The following FAT3 variants were observed in gnomAD, a reference collection of about 807,000 sequenced individuals.
The protein encoded by FAT3 is FAT atypical cadherin 3.
FAT3 carries 95 observed loss-of-function variants against 310.2 expected under a neutral mutation model. The ratio of observed to expected loss-of-function variants is 0.31; its 90% CI spans 0.26 to 0.36. The LOEUF is 0.36. FAT3 is among the 10% of genes least tolerant of loss of function. The probability of loss-of-function intolerance (pLI) is 1.00; values close to 1 mark genes in which losing one functional copy is unlikely to be tolerated. For missense variants in FAT3, 5,408 were observed against 5,715.6 expected (o/e 0.95, Z 1.74); for synonymous variants, 2,314 against 2,192.9 (o/e 1.06, Z -1.54).
At chr11:92,445,457 A>G (rs1951186254) in intron 2 of FAT3, among the ~76,000 whole-genome samples, 1 of 151,968 alleles carries the variant, frequency 6.6e-6, no homozygotes, top group Non-Finnish European at 1.5e-5. Flanking sequence ...GTTCCTTTCA[A>G]GGAGGGGAAA....
intron 1 of FAT3, among the ~76,000 whole-genome samples, chr11:92,294,199 A>G (rs972307912): frequency 6.6e-6 from 1 of 152,060 alleles, no homozygotes; most frequent in African/African-American, 2.4e-5. Flanking sequence ...TGGTGCATGC[A>G]TGCAGAAAGA....
rs1945789776 is a variant in FAT3, at chr11:92,352,274, G to A, written c.162G>A (p.Glu54=). 1 of 1,456,808 alleles carries A rather than the reference G, an allele frequency of 6.9e-7. No homozygotes were observed. The highest frequency in any genetic ancestry group is 9.3e-7 in the Non-Finnish European group (1 of 1,080,936). The allele number at this position is 1,456,808 out of a possible 1,614,324, so 90.2% of individuals were successfully genotyped here. ...THSIYNATVY[E]NSAARTYVNS... is the part of the protein sequence containing the mutation. ...CCATTTATAATGCTACCGTGTATGA[G>A]AACTCAGCAGCAAGGACCTACGTCA... is the stretch of plus-strand genomic sequence containing the variant. Residue 54 remains glutamate (E), a synonymous_variant, in exon 2 of 28, where the codon GAG becomes GAA. Transcript: ENST00000525166.
At chr11:92,654,240 A>G (rs1182867867) in intron 3 of FAT3, among the ~76,000 whole-genome samples, 1 of 152,126 alleles carries the variant, frequency 6.6e-6, no homozygotes, top group East Asian at 1.9e-4. Flanking sequence ...TCAGTTCTGT[A>G]AGTTCCAGCC....
chr11:92,749,350 G>A (rs1945764366), intron 4 of FAT3, among the ~76,000 whole-genome samples: 1 of 151,970 alleles, frequency 6.6e-6, no homozygotes, highest in South Asian at 2.1e-4. Flanking sequence ...GACAATTTAT[G>A]AATGCAAGCC....
chr11:92,837,623 C>T (rs369437686), intron 16 of FAT3, 40 bp from the exon 17 acceptor site: 16 of 1,609,542 alleles, frequency 9.9e-6, no homozygotes, highest in Middle Eastern at 1.9e-4. Flanking sequence ...AGGAAGGAAG[C>T]GCTACACCTC....
chr11:92,772,988 A>G (rs74557380), intron 6 of FAT3, among the ~76,000 whole-genome samples: 5,477 of 152,278 alleles, frequency 0.036, 239 homozygotes, highest in East Asian at 0.21. Flanking sequence ...ATGAAATTCA[A>G]TAAATACATT....
intron 1 of FAT3, among the ~76,000 whole-genome samples, chr11:92,249,257 G>A (rs1208046237): frequency 1.3e-5 from 2 of 152,100 alleles, no homozygotes; most frequent in East Asian, 3.9e-4. Flanking sequence ...AGATGGCAAC[G>A]ATGATCAGAA....
rs76958070 is a variant in FAT3, at chr11:92,684,010, C to T, written c.3608-13374C>T. On this transcript the variant is annotated intron_variant, in intron 3 of 27. Transcript: ENST00000525166. ...GTACTAATTATCCACTAATTACAAC[C>T]ACAGTAGCATTGAGCTGGTTTTCCC... 4.5e-3 allele frequency among the ~76,000 whole-genome samples: 681 copies of T among 152,240 alleles called. 7 individuals carry two copies. The highest frequency in any genetic ancestry group is 0.016 in the African/African-American group (650 of 41,538).
intron 2 of FAT3, among the ~76,000 whole-genome samples, chr11:92,493,027 A>G (rs1952654065): frequency 6.6e-6 from 1 of 152,060 alleles, no homozygotes; most frequent in Non-Finnish European, 1.5e-5. Flanking sequence ...CTCTCCCTCA[A>G]ACTTAAGTAG....
chr11:92,801,949 T>C, intron 10 of FAT3, 40 bp downstream of exon 10: 4 of 1,550,736 alleles, frequency 2.6e-6, no homozygotes, highest in Non-Finnish European at 3.5e-6. Context: ...TGCACTGCTT[T>C]ATAAAGAAAG....
chr11:92,785,563 A>G (rs1427848218), intron 7 of FAT3, among the ~76,000 whole-genome samples: 3 of 152,156 alleles, frequency 2.0e-5, no homozygotes, highest in African/African-American at 7.2e-5. Flanking sequence ...TAGCCTACAT[A>G]TATATAACCA....
At chr11:92,526,787 ATTT>A (rs1953881765) in intron 3 of FAT3, among the ~76,000 whole-genome samples, 1 of 152,164 alleles carries the variant, frequency 6.6e-6, no homozygotes, top group Non-Finnish European at 1.5e-5. Context: ...CTTGCCATAG[ATTT>A]TTAAAAAGCA....
intron 1 of FAT3, among the ~76,000 whole-genome samples, chr11:92,287,652 C>G (rs1307712790): frequency 6.6e-6 from 1 of 152,148 alleles, no homozygotes; most frequent in Non-Finnish European, 1.5e-5. Flanking sequence ...GATCTCCCCT[C>G]ACCATTCCAA....
At chr11:92,508,512 G>T (rs554610375) in intron 2 of FAT3, among the ~76,000 whole-genome samples, 44 of 152,176 alleles carry the variant, frequency 2.9e-4, no homozygotes, top group African/African-American at 1.1e-3. Context: ...ATCTGAAAAG[G>T]AAAATTTCCA....
chr11:92,801,305 T>G lies in FAT3; in HGVS notation c.8292T>G (p.Thr2764=). 6.2e-7 allele frequency: 1 copy of G among 1,613,970 alleles called. No homozygotes were observed. The highest frequency in any genetic ancestry group is 1.1e-5 in the South Asian group (1 of 91,082). Residue 2764 remains threonine (T), a synonymous_variant, in exon 10 of 28, where the codon ACT becomes ACG. Transcript: ENST00000525166. ...GIFVIEQETG[T]IKLDKRLDRE... ...TCGTCATAGAACAGGAAACAGGCAC[T>G]ATTAAGCTTGACAAACGCCTTGACC...
chr11:92,253,242 G>T (rs1865198141), intron 1 of FAT3, among the ~76,000 whole-genome samples: 1 of 152,018 alleles, frequency 6.6e-6, no homozygotes, highest in South Asian at 2.1e-4. Flanking sequence ...TAATGCTGAA[G>T]CTGGTTCTCC....
intron 1 of FAT3, among the ~76,000 whole-genome samples, chr11:92,306,735 T>A (rs1161612348): frequency 2.4e-5 from 3 of 123,128 alleles, no homozygotes; most frequent in East Asian, 2.2e-4. Context: ...ATATATATAT[T>A]TATATATAAA....
chr11:92,354,496 A>T lies in FAT3; in HGVS notation c.2384A>T (p.Asp795Val). The change falls in exon 2 of 28, where the codon GAC becomes GTC. Residue 795 changes from aspartate to valine, a missense_variant. By Grantham distance (152) the Asp-to-Val change is radical. This residue lies in a region of FAT3 where 4,588 missense variants were observed against 4,809.8 expected (regional missense o/e 0.95). Coordinates refer to ENST00000525166, the MANE Select transcript of FAT3 (RefSeq NM_001367949.2). ...ATGCCCATGGATCGAGAACACACAG[A>T]CCTCTATCTCCTTAATATCACCATC... ...VLMPMDREHT[D>V]LYLLNITIYD... 1.2e-6 allele frequency: 2 copies of T among 1,613,864 alleles called. No homozygotes were observed. Among genetic ancestry groups the T allele is most frequent in the South Asian group, 2.2e-5 (2 of 91,082 alleles).
At chr11:92,336,113 G>T in intron 1 of FAT3, 3 of 524,758 alleles carry the variant, frequency 5.7e-6, no homozygotes, top group Admixed American at 4.4e-5. Context: ...TGGCCTCTCG[G>T]TATTTCACAA....
Sources: allele counts gnomAD v4.1 joint callset (sites outside exome capture counted in the v4.1 genomes callset), GRCh38; gene constraint gnomAD v4.1.1; regional missense constraint gnomAD v4.1.1; transcripts MANE v1.5; gene names NCBI Gene and HGNC (gene_info 2026-07-23, HGNC 2026-07-21).